The following SLC25A29 variants were observed in gnomAD, a reference collection of about 807,000 sequenced individuals.
The protein encoded by SLC25A29 is mitochondrial basic amino acids transporter.
SLC25A29 carries 13 observed loss-of-function variants against 10.0 expected under a neutral mutation model. The ratio of observed to expected loss-of-function variants is 1.30; its 90% CI spans 0.85 to 2.07. SLC25A29 has a LOEUF of 2.07. SLC25A29 is among the 30% of genes most tolerant of loss of function. SLC25A29 has a pLI of 0.00. For synonymous variants in SLC25A29, 244 were observed against 221.1 expected (o/e 1.10, Z -0.92); for missense variants, 475 against 447.6 (o/e 1.06, Z -0.55).
At chr14:100,299,026 G>A (rs1171081582) in intron 1 of SLC25A29, 141 bp from the exon 2 acceptor site, 2 of 1,469,004 alleles carry the variant, frequency 1.4e-6, no homozygotes, top group Non-Finnish European at 1.8e-6. Context: ...TGTGGGTGCA[G>A]CAGGCAGATC....
In SLC25A29 at chr14:100,292,871, G is replaced by C; in HGVS notation, c.324C>G (p.Val108=). ...TGGCCAGCTCCATGGGGCAGCAGAT[G>C]ACGCACTGGATGGCGCCCGCCGCCG... The part of the protein sequence containing the change: ...AGAAAGAIQC[V]ICCPMELAKT... Residue 108 remains valine (V), a synonymous_variant, in exon 4 of 4, where the codon GTC becomes GTG. Coordinates refer to ENST00000359232, the MANE Select transcript of SLC25A29 (RefSeq NM_001039355.3). The C allele has an allele frequency of 6.2e-7, 1 of 1,601,664 alleles. No homozygotes were observed. Among genetic ancestry groups the C allele is most frequent in the South Asian group, 1.1e-5 (1 of 89,756 alleles).
At position 100,292,451 on chromosome 14, in the gene SLC25A29, T is replaced by C. The variant is rs1210842579; in HGVS notation, c.744A>G (p.Thr248=). ...SYRAEGWRVF[T]RGLASTLLRA... is the part of the protein sequence containing the mutation. ...GCAGCAGCGTGGACGCCAGCCCCCG[T>C]GTGAAGACGCGCCAGCCCTCGGCGC... Residue 248 remains threonine, a synonymous_variant, in exon 4 of 4, where the codon ACA becomes ACG. Transcript: ENST00000359232. 1.9e-6 allele frequency: 3 copies of C among 1,579,328 alleles called. No individual in the cohort carries two copies. Among genetic ancestry groups the C allele is most frequent in the Non-Finnish European group, 2.6e-6 (3 of 1,164,774 alleles).
In SLC25A29 at chr14:100,298,867, A is replaced by C; in HGVS notation, c.53T>G (p.Val18Gly). The C allele has an allele frequency of 6.2e-7, 1 of 1,614,216 alleles. No individual in the cohort carries two copies. Among genetic ancestry groups the C allele is most frequent in the Non-Finnish European group, 8.5e-7 (1 of 1,180,046 alleles). The change falls in exon 2 of 4, where the codon GTG becomes GGG. Residue 18 changes from valine (V) to glycine (G), a missense_variant. Transcript: ENST00000359232. ...GCAGGVAGVL[V>G]GHPFDTVKVR... ...CTTGACCGTGTCAAACGGGTGTCCC[A>C]CAAGCACGCCTGCCACACCTGGAGG...
Position 100,296,070 on chromosome 14 carries a change from G to A in SLC25A29, c.79-2693C>T, listed in dbSNP as rs999012543. ...TGACAGTACGGACTGACACAGACTCGGGTGGCCCCTGATGATCCTAGGGTA... is the reference window on the plus strand; with the variant it reads ...TGACAGTACGGACTGACACAGACTCAGGTGGCCCCTGATGATCCTAGGGTA... On this transcript the variant is annotated intron_variant, in intron 2 of 3. Coordinates refer to ENST00000359232, the MANE Select transcript of SLC25A29 (RefSeq NM_001039355.3). 5.8e-5 allele frequency: 72 copies of A among 1,244,790 alleles called. 1 individual carries two copies. Among genetic ancestry groups the A allele is most frequent in the Middle Eastern group, 3.1e-4 (1 of 3,200 alleles). The allele number at this position is 1,244,790 out of a possible 1,614,324, so 77.1% of individuals were successfully genotyped here. A position where few individuals can be genotyped will look rare whatever the true frequency, so the allele number is the denominator to read the frequency against.
chr14:100,292,736 GC>G lies in SLC25A29; in HGVS notation c.458del (p.Gly153AlafsTer194). On this transcript the variant is annotated frameshift_variant, in exon 4 of 4. Coordinates refer to ENST00000359232, the MANE Select transcript of SLC25A29 (RefSeq NM_001039355.3). LOFTEE classifies it low-confidence loss of function (END_TRUNC). ...GHEGLRGVNR[G>X]MVSTLLRETP... The stretch of plus-strand genomic sequence containing the variant: ...TCTCACGCAGCAACGTGGACACCAT[GC>G]CCCGGTTGACGCCACGCAGACCCTC... 6.2e-7 allele frequency: 1 copy of G among 1,602,846 alleles called. No homozygotes were observed. Among genetic ancestry groups the G allele is most frequent in the Non-Finnish European group, 8.5e-7 (1 of 1,175,838 alleles).
chr14:100,292,839 C>T lies in SLC25A29; in HGVS notation c.356G>A (p.Arg119Gln). 3 of 1,592,918 alleles carry T rather than the reference C, an allele frequency of 1.9e-6. No homozygotes were observed. Among genetic ancestry groups the T allele is most frequent in the Non-Finnish European group, 1.7e-6 (2 of 1,171,706 alleles). ...TGGGCCCGCGTCCTGCAGCTGCAGC[C>T]GCGTCTTGGCCAGCTCCATGGGGCA... The part of the protein sequence containing the change: ...ICCPMELAKT[R>Q]LQLQDAGPAR... Residue 119 changes from arginine to glutamine, a missense_variant, in exon 4 of 4, where the codon CGG becomes CAG. Transcript: ENST00000359232.
chr14:100,301,975 ACT>A (rs1190550059), intron 1 of SLC25A29, among the ~76,000 whole-genome samples: 3 of 151,286 alleles, frequency 2.0e-5, no homozygotes, highest in Admixed American at 2.0e-4. Context: ...AGACCGTGAG[ACT>A]CAATGCACAA....
the SLC25A29 span, among the ~76,000 whole-genome samples, chr14:100,284,206 A>G: frequency 6.6e-6 from 1 of 152,308 alleles, no homozygotes; most frequent in South Asian, 2.1e-4. Context: ...CCTGGCTTCC[A>G]AGGTACTCTG....
downstream of SLC25A29, among the ~76,000 whole-genome samples, chr14:100,288,020 C>T (rs1566788349): frequency 6.6e-6 from 1 of 152,112 alleles, no homozygotes; most frequent in East Asian, 1.9e-4. Context: ...AAGGGGTGTG[C>T]CACAGTGTGT....
At position 100,292,360 on chromosome 14, in the gene SLC25A29, C is replaced by A. The variant is rs1446884434; in HGVS notation, c.835G>T (p.Glu279Ter). ...VTVVLTYARG[E>*]EAGPEGEAVP... The stretch of plus-strand genomic sequence containing the variant: ...GCCTCGCCCTCGGGCCCGGCCTCCT[C>A]GCCGCGCGCGTAGGTGAGCACCACC... The change falls in exon 4 of 4, where the codon GAG becomes TAG. Residue 279 changes from glutamate to a stop codon, truncating the protein, a stop_gained. Transcript: ENST00000359232. LOFTEE classifies it low-confidence loss of function (END_TRUNC). 6.6e-7 allele frequency: 1 copy of A among 1,505,496 alleles called. No individual in the cohort carries two copies. The allele number at this position is 1,505,496 out of a possible 1,614,324, so 93.3% of individuals were successfully genotyped here. A position where few individuals can be genotyped will look rare whatever the true frequency, so the allele number is the denominator to read the frequency against.
downstream of SLC25A29, among the ~76,000 whole-genome samples, chr14:100,286,895 G>GGT (rs71113258): frequency 1.3e-5 from 2 of 152,046 alleles, no homozygotes; most frequent in African/African-American, 4.8e-5. Flanking sequence ...ACTGGCTCCT[G>GGT]GCGCTGGCTT....
At chr14:100,295,664 A>G (rs1289713279) in intron 2 of SLC25A29, 1 of 1,289,528 alleles carries the variant, frequency 7.8e-7, no homozygotes. Context: ...CATCTACAAC[A>G]AAGTTACACT....
At chr14:100,302,472 G>A (rs1423745315) in intron 1 of SLC25A29, among the ~76,000 whole-genome samples, 2 of 150,398 alleles carry the variant, frequency 1.3e-5, no homozygotes, top group Non-Finnish European at 1.5e-5. Flanking sequence ...TGATTCTCCT[G>A]CCTCAGCCTC....
At chr14:100,286,998 G>A (rs1180510182), downstream of SLC25A29, among the ~76,000 whole-genome samples, 2 of 152,256 alleles carry the variant, frequency 1.3e-5, no homozygotes, top group Non-Finnish European at 2.9e-5. Context: ...ACCTTGTATG[G>A]CTGTTGGGAG....
In SLC25A29 at chr14:100,293,004, G is replaced by T; in HGVS notation, c.191C>A (p.Ser64Ter). ...SVLGLYKGLG[S>*]PLMGLTFINA... is the part of the protein sequence containing the mutation. ...GATGAAGGTGAGCCCCATGAGCGGC[G>T]AGCCCAGGCCCTTGTACAGGCCCAG... is the stretch of plus-strand genomic sequence containing the variant. The change falls in exon 4 of 4, where the codon TCG (serine) becomes TAG (stop). Residue 64 changes from serine to a stop codon, truncating the protein, a stop_gained. Transcript: ENST00000359232. LOFTEE classifies it low-confidence loss of function (END_TRUNC). The T allele has an allele frequency of 6.3e-7, 1 of 1,580,068 alleles. No individual in the cohort carries two copies.
At position 100,293,362 on chromosome 14, in the gene SLC25A29, G is replaced by A. The variant is rs1891910405; in HGVS notation, c.94C>T (p.Gln32Ter). The change falls in exon 3 of 4, where the codon CAG becomes TAG. Residue 32 changes from glutamine to a stop codon, truncating the protein, a stop_gained. Coordinates refer to ENST00000359232, the MANE Select transcript of SLC25A29 (RefSeq NM_001039355.3). LOFTEE classifies it high-confidence loss of function. ...FDTVKVRLQV[Q>*]SVEKPQYRGT... ...CGGTACTGAGGCTTCTCCACGCTCT[G>A]GACCTGAAGCCGTACCTGGAAGGAG... 6.2e-7 allele frequency: 1 copy of A among 1,613,150 alleles called. No homozygotes were observed.
chr14:100,298,418 C>T (rs905414654), intron 2 of SLC25A29, among the ~76,000 whole-genome samples: 23 of 152,156 alleles, frequency 1.5e-4, no homozygotes, highest in African/African-American at 5.3e-4. Flanking sequence ...GCCTCTGGCA[C>T]GTGGGAAACC....
At chr14:100,304,986 C>G (rs1224995657) in intron 1 of SLC25A29, 1 of 152,252 alleles carries the variant, frequency 6.6e-6, no homozygotes, top group African/African-American at 2.4e-5. Context: ...ACAGCGAGAT[C>G]AGAAGCGGGA....
chr14:100,293,012 G>T lies in SLC25A29; in HGVS notation c.183C>A (p.Gly61=). The change falls in exon 4 of 4, where the codon GGC becomes GGA. Residue 61 remains glycine, a synonymous_variant. Coordinates refer to ENST00000359232, the MANE Select transcript of SLC25A29 (RefSeq NM_001039355.3). The stretch of plus-strand genomic sequence containing the variant: ...TGAGCCCCATGAGCGGCGAGCCCAG[G>T]CCCTTGTACAGGCCCAGCACCTGCG... ...KQESVLGLYK[G]LGSPLMGLTF... 1 of 1,567,160 alleles carries T rather than the reference G, an allele frequency of 6.4e-7. No individual in the cohort carries two copies.
Sources: gnomAD v4.1 joint callset for allele counts (sites outside exome capture counted in the v4.1 genomes callset) on GRCh38, gnomAD v4.1.1 for gene constraint, MANE v1.5 for transcripts, NCBI Gene and HGNC (gene_info 2026-07-23, HGNC 2026-07-21) for gene names.